Variants in CPLANE1 observed in about 807,000 individuals in gnomAD.
The protein encoded by CPLANE1 is ciliogenesis and planar polarity effector 1.
Under a neutral mutation model 362.5 loss-of-function variants are expected in CPLANE1, and 263 were observed. The observed-to-expected ratio is 0.73, with a 90% CI of 0.66 to 0.80. The LOEUF is 0.80. Among genes scored for constraint, CPLANE1 ranks in the 30% least tolerant of loss-of-function variants. The probability of loss-of-function intolerance (pLI) is 0.00; values close to 1 mark genes in which losing one functional copy is unlikely to be tolerated. For synonymous variants in CPLANE1, 1,212 were observed against 1,302.6 expected, an observed-to-expected ratio of 0.93 and a Z score of 1.50; for missense variants, 3,461 against 3,793.4, an observed-to-expected ratio of 0.91 and a Z score of 2.30.
the CPLANE1 span, among the ~76,000 whole-genome samples, chr5:37,076,231 G>A: frequency 6.7e-6 from 1 of 149,030 alleles, no homozygotes; most frequent in East Asian, 2.0e-4. Context: ...TCTAGCCTAG[G>A]TGACAGAGCA....
At chr5:37,114,917 A>C (rs747887166) in intron 51 of CPLANE1, 43 bp downstream of exon 51, 16 of 1,225,462 alleles carry the variant, frequency 1.3e-5, no homozygotes, top group Non-Finnish European at 1.9e-5. Flanking sequence ...AAAAAAGAAA[A>C]TTCAGTATTA....
Position 37,227,570 on chromosome 5 carries a change from T to C in CPLANE1, c.1369A>G (p.Lys457Glu). ...EKIYQSVILS[K>E]PKGKGLNLRS... ...AATGATATAAAAAAGCACTATACCT[T>C]AGACAATATCACACTTTGATATATT... The change falls in exon 10 of 53, where the codon AAG becomes GAG. Residue 457 changes from lysine (K) to glutamate (E), a missense_variant and splice_region_variant. By Grantham distance (56) the Lys-to-Glu change is moderately conservative (BLOSUM62 1). Coordinates refer to ENST00000651892, the MANE Select transcript of CPLANE1 (RefSeq NM_001384732.1). 6.5e-7 allele frequency: 1 copy of C among 1,549,228 alleles called. No individual in the cohort carries two copies. Among genetic ancestry groups the C allele is most frequent in the Non-Finnish European group, 8.7e-7 (1 of 1,146,088 alleles).
intron 23 of CPLANE1, 109 bp from the exon 24 acceptor site, chr5:37,186,503 A>G: frequency 1.6e-6 from 1 of 629,264 alleles, no homozygotes; most frequent in Non-Finnish European, 2.9e-6. Context: ...ATTTCTTACT[A>G]ATCTTTTGAA....
At position 37,187,584 on chromosome 5, in the gene CPLANE1, T is replaced by C; in HGVS notation, c.3922-12A>G. 2 of 1,597,102 alleles carry C rather than the reference T, an allele frequency of 1.3e-6. No homozygotes were observed. The highest frequency in any genetic ancestry group is 1.7e-4 in the Middle Eastern group (1 of 5,962). ...TCCACTTCAAGGTCCTAAAAGGATA[T>C]TGAAAAACATTCATTTCCTTTTTAG... is the stretch of plus-strand genomic sequence containing the variant. On this transcript the variant is annotated splice_polypyrimidine_tract_variant and intron_variant, in intron 22 of 52. Transcript: ENST00000651892.
chr5:37,234,377 A>G (rs1296224483), intron 8 of CPLANE1, among the ~76,000 whole-genome samples: 1 of 151,522 alleles, frequency 6.6e-6, no homozygotes, highest in Non-Finnish European at 1.5e-5. Context: ...CCAAGGAGAA[A>G]GATTAAAAAA....
chr5:37,141,676 G>C (rs1001223200), intron 44 of CPLANE1: 1 of 983,140 alleles, frequency 1.0e-6, no homozygotes, highest in Non-Finnish European at 1.2e-6. Flanking sequence ...ATATCTGAGA[G>C]AAAAAAAATA....
chr5:37,201,146 CAA>C (rs1393954728), intron 19 of CPLANE1, among the ~76,000 whole-genome samples: 2 of 152,036 alleles, frequency 1.3e-5, no homozygotes, highest in Non-Finnish European at 2.9e-5. Context: ...AAGGCAAAGA[CAA>C]AGAGATAAAT....
the CPLANE1 span, among the ~76,000 whole-genome samples, chr5:37,095,749 A>C: frequency 2.0e-5 from 3 of 152,234 alleles, no homozygotes; most frequent in Non-Finnish European, 4.4e-5. Flanking sequence ...TACCAAATTA[A>C]TGTGCACAAA....
intron 43 of CPLANE1, chr5:37,142,731 A>T: frequency 3.9e-6 from 1 of 257,602 alleles, no homozygotes; most frequent in Non-Finnish European, 7.2e-6. Flanking sequence ...AAAAACATAG[A>T]CATGCTAAAT....
At chr5:37,118,705 AGTT>A (rs1480098555) in intron 50 of CPLANE1, among the ~76,000 whole-genome samples, 2 of 146,828 alleles carry the variant, frequency 1.4e-5, no homozygotes, top group Non-Finnish European at 3.0e-5. Context: ...CCACATAATT[AGTT>A]GTTATTTTAC....
In CPLANE1 at chr5:37,222,665, C is replaced by A. The variant is rs143445935; in HGVS notation, c.2582-1177G>T. On this transcript the variant is annotated intron_variant, in intron 14 of 52. Transcript: ENST00000651892. ...TACAAAAACTTTTCTATACCCAGAACTTCAGATCTCAGTGAATGCTGCTCT... is the reference window on the plus strand; with the variant it reads ...TACAAAAACTTTTCTATACCCAGAAATTCAGATCTCAGTGAATGCTGCTCT... 3.0e-3 allele frequency among the ~76,000 whole-genome samples: 461 copies of A among 152,308 alleles called. 3 individuals carry two copies. Among genetic ancestry groups the A allele is most frequent in the South Asian group, 3.5e-3 (17 of 4,822 alleles).
At chr5:37,247,847 G>T in intron 1 of CPLANE1, 102 bp from the exon 2 acceptor site, 1 of 815,744 alleles carries the variant, frequency 1.2e-6, no homozygotes, top group Non-Finnish European at 1.8e-6. Context: ...GCCCCAGCTG[G>T]AGTGCAGTGA....
intron 50 of CPLANE1, among the ~76,000 whole-genome samples, chr5:37,116,752 G>A (rs774655356): frequency 3.3e-5 from 5 of 152,114 alleles, no homozygotes; most frequent in Admixed American, 1.3e-4. Context: ...CTTCATTTAC[G>A]AATGAACTAC....
At chr5:37,112,473 T>G (rs1759634922) in intron 51 of CPLANE1, among the ~76,000 whole-genome samples, 2 of 152,160 alleles carry the variant, frequency 1.3e-5, no homozygotes, top group Non-Finnish European at 2.9e-5. Flanking sequence ...CACTGGACAG[T>G]GAAAGCTTTC....
At chr5:37,245,634 A>G in intron 3 of CPLANE1, 36 bp from the exon 4 acceptor site, 3 of 1,497,044 alleles carry the variant, frequency 2.0e-6, no homozygotes, top group Non-Finnish European at 2.7e-6. Flanking sequence ...CTTACAATCT[A>G]GTATTTCCTT....
At chr5:37,142,244 AT>A (rs925241639) in intron 44 of CPLANE1, 65 bp downstream of exon 44, 36 of 1,379,352 alleles carry the variant, frequency 2.6e-5, no homozygotes, top group Non-Finnish European at 2.9e-5. Flanking sequence ...TTCCCAGTAA[AT>A]CATGTTCAGT....
intron 43 of CPLANE1, among the ~76,000 whole-genome samples, chr5:37,143,558 T>G (rs899456950): frequency 3.9e-5 from 6 of 152,090 alleles, no homozygotes; most frequent in African/African-American, 9.7e-5. Flanking sequence ...AAAAAGAGAA[T>G]TAGTAAACTA....
At position 37,195,868 on chromosome 5, in the gene CPLANE1, A is replaced by G; in HGVS notation, c.3801T>C (p.Ile1267=). The G allele has an allele frequency of 6.2e-7, 1 of 1,610,586 alleles. No individual in the cohort carries two copies. Among genetic ancestry groups the G allele is most frequent in the Non-Finnish European group, 8.5e-7 (1 of 1,178,956 alleles). ...AGDHKLDEVS[I]RAIGCFRELC... is the part of the protein sequence containing the mutation. ...TCATTTTGGACAAACCTATTGCTCTAATGGAAACTTCATCAAGCTTGTGGT... is the reference window on the plus strand; with the variant it reads ...TCATTTTGGACAAACCTATTGCTCTGATGGAAACTTCATCAAGCTTGTGGT... Residue 1267 remains isoleucine (I), a synonymous_variant, in exon 21 of 53, where the codon ATT becomes ATC. Transcript: ENST00000651892.
At chr5:37,093,593 G>A in the CPLANE1 span, among the ~76,000 whole-genome samples, 1 of 152,162 alleles carries the variant, frequency 6.6e-6, no homozygotes. Context: ...GTCACTCTTT[G>A]ACTAGCAGAG....
Sources: allele counts gnomAD v4.1 joint callset (sites outside exome capture counted in the v4.1 genomes callset), GRCh38; gene constraint gnomAD v4.1.1; transcripts MANE v1.5; gene names NCBI Gene and HGNC (gene_info 2026-07-23, HGNC 2026-07-21).